Variants in STK3 observed in about 807,000 individuals in gnomAD.
STK3 encodes the protein serine/threonine kinase 3, also known as serine/threonine-protein kinase 3.
A neutral mutation model predicts 58.0 loss-of-function variants in STK3; 41 were observed. The ratio of observed to expected loss-of-function variants is 0.71; its 90% CI spans 0.55 to 0.92. The LOEUF is 0.92. Among genes scored for constraint, STK3 ranks in the 40% least tolerant of loss-of-function variants. The probability of loss-of-function intolerance (pLI) is 0.00; values close to 1 mark genes in which losing one functional copy is unlikely to be tolerated. For missense variants in STK3, 479 were observed against 602.7 expected (o/e 0.79, Z 2.15); for synonymous variants, 170 against 191.0 (o/e 0.89, Z 0.91).
intron 4 of STK3, among the ~76,000 whole-genome samples, chr8:98,725,735 A>G (rs557187418): frequency 2.6e-5 from 4 of 152,142 alleles, no homozygotes; most frequent in Non-Finnish European, 5.9e-5. Flanking sequence ...AAAACTAAAT[A>G]CCACTTTTTA....
Position 98,563,104 on chromosome 8 carries a change from TTGG to T in STK3, c.949-14946_949-14944del, listed in dbSNP as rs1812191459. 2.0e-5 allele frequency among the ~76,000 whole-genome samples: 3 copies of T among 151,678 alleles called. No individual in the cohort carries two copies. In the South Asian group the frequency reaches 6.2e-4, roughly 32 times the overall value. ...AGAAAAGGTACTAACCTAAGTAACT[TTGG>T]AGTAAGTGAACTGTGAATTCTGTTA... On this transcript the variant is annotated intron_variant, in intron 8 of 10. Transcript: ENST00000419617.
chr8:98,857,375 G>A (rs573376791), intron 3 of STK3, among the ~76,000 whole-genome samples: 2 of 150,010 alleles, frequency 1.3e-5, no homozygotes, highest in African/African-American at 5.1e-5. Flanking sequence ...AATTAATGAA[G>A]GTTAAAGGAG....
intron 4 of STK3, chr8:98,722,911 G>T: frequency 2.0e-6 from 1 of 506,224 alleles, no homozygotes; most frequent in Non-Finnish European, 3.9e-6. Context: ...ATGGAAAAGC[G>T]TTAGATCCAT....
chr8:98,630,289 T>C (rs2130494628), intron 6 of STK3, among the ~76,000 whole-genome samples: 1 of 152,254 alleles, frequency 6.6e-6, no homozygotes, highest in South Asian at 2.1e-4. Context: ...TAAAAATAGT[T>C]CAGGACCAAG....
chr8:98,713,421 C>G (rs937026248), intron 4 of STK3, among the ~76,000 whole-genome samples: 2 of 151,808 alleles, frequency 1.3e-5, no homozygotes, highest in African/African-American at 4.8e-5. Flanking sequence ...CAAATAGAAG[C>G]AATAAAAAAA....
At chr8:98,522,644 T>C (rs1825452231) in intron 10 of STK3, among the ~76,000 whole-genome samples, 1 of 152,130 alleles carries the variant, frequency 6.6e-6, no homozygotes, top group South Asian at 2.1e-4. Context: ...ATCACTACCA[T>C]CCACTTCTGG....
intron 6 of STK3, among the ~76,000 whole-genome samples, chr8:98,692,551 C>T (rs991131551): frequency 4.0e-5 from 6 of 151,790 alleles, no homozygotes; most frequent in Non-Finnish European, 5.9e-5. Context: ...ATACTGGTTG[C>T]GAGGGGTTGG....
chr8:98,620,923 T>A (rs1818246769), intron 6 of STK3, among the ~76,000 whole-genome samples: 1 of 150,238 alleles, frequency 6.7e-6, no homozygotes, highest in Non-Finnish European at 1.5e-5. Flanking sequence ...GAAAAACAAC[T>A]GATTTTTTTT....
chr8:98,462,484 T>C lies in STK3; in HGVS notation c.1318-6484A>G, dbSNP rs377488636. Among the ~76,000 whole-genome samples, 10 of 152,278 alleles carry C rather than the reference T, an allele frequency of 6.6e-5. 1 individual carries two copies. In the South Asian group the frequency reaches 1.9e-3, roughly 28 times the overall value. ...TAGATTGCAATCTTGTTGTGGGAGATAGAGTGTTTTACTCATCTCCGAACC... is the reference window on the plus strand; with the variant it reads ...TAGATTGCAATCTTGTTGTGGGAGACAGAGTGTTTTACTCATCTCCGAACC... On this transcript the variant is annotated intron_variant, in intron 10 of 10. Coordinates refer to ENST00000419617, the MANE Select transcript of STK3 (RefSeq NM_006281.4).
chr8:98,668,095 A>G (rs529612581), intron 6 of STK3, among the ~76,000 whole-genome samples: 127 of 152,282 alleles, frequency 8.3e-4, no homozygotes, highest in African/African-American at 3.0e-3. Context: ...AAATTTTTAA[A>G]TAGGTAATAT....
intron 3 of STK3, among the ~76,000 whole-genome samples, chr8:98,410,401 C>T (rs956917640): frequency 2.0e-5 from 3 of 152,164 alleles, no homozygotes; most frequent in Non-Finnish European, 2.9e-5. Flanking sequence ...ATCTGTGACC[C>T]TTTATCTGTC....
chr8:98,893,468 A>AG (rs1745255127), intron 1 of STK3, among the ~76,000 whole-genome samples: 2 of 97,848 alleles, frequency 2.0e-5, no homozygotes, highest in African/African-American at 1.0e-4. Flanking sequence ...GAAAGAAAGA[A>AG]AGAAAGAAAG....
intron 3 of STK3, among the ~76,000 whole-genome samples, chr8:98,753,016 G>T (rs1442448634): frequency 6.6e-6 from 1 of 152,020 alleles, no homozygotes; most frequent in Non-Finnish European, 1.5e-5. Flanking sequence ...TGGTGGGAGT[G>T]TAAATTAGTT....
At chr8:98,700,319 G>A (rs1398454013) in intron 6 of STK3, among the ~76,000 whole-genome samples, 7 of 152,118 alleles carry the variant, frequency 4.6e-5, no homozygotes, top group Non-Finnish European at 4.4e-5. Context: ...TGCACTTCCC[G>A]AGTGAGGCAA....
intron 10 of STK3, among the ~76,000 whole-genome samples, chr8:98,487,030 T>C (rs981577479): frequency 2.6e-5 from 4 of 152,224 alleles, no homozygotes; most frequent in Admixed American, 2.0e-4. Context: ...AAAATGTTTA[T>C]TTTTTAATCT....
chr8:98,875,581 A>T (rs887142442), intron 3 of STK3: 7 of 152,228 alleles, frequency 4.6e-5, no homozygotes, highest in Non-Finnish European at 8.8e-5. Flanking sequence ...AATAAAGACC[A>T]TTTCATTCTT....
intron 2 of STK3, among the ~76,000 whole-genome samples, chr8:98,771,650 C>T (rs902390654): frequency 3.3e-5 from 5 of 152,068 alleles, no homozygotes; most frequent in African/African-American, 7.2e-5. Context: ...CTGCAACCTC[C>T]GCCTCCTGGG....
At chr8:98,806,665 T>G (rs1833901893) in intron 1 of STK3, among the ~76,000 whole-genome samples, 3 of 152,250 alleles carry the variant, frequency 2.0e-5, no homozygotes, top group Admixed American at 2.0e-4. Flanking sequence ...TGCTACCCCA[T>G]GCACATTTCC....
upstream of STK3, among the ~76,000 whole-genome samples, chr8:98,826,530 C>A (rs1248539316): frequency 6.6e-6 from 1 of 152,160 alleles, no homozygotes; most frequent in Non-Finnish European, 1.5e-5. Flanking sequence ...AATTATGCTG[C>A]CAGGAAGAAT....
Sources: gnomAD v4.1 joint callset for allele counts (sites outside exome capture counted in the v4.1 genomes callset) on GRCh38, gnomAD v4.1.1 for gene constraint, MANE v1.5 for transcripts, NCBI Gene and HGNC (gene_info 2026-07-23, HGNC 2026-07-21) for gene names.